The following CMTR1 variants were observed in gnomAD, a reference collection of about 807,000 sequenced individuals.
The protein encoded by CMTR1 is cap-specific mRNA (nucleoside-2'-O-)-methyltransferase 1.
CMTR1 carries 39 observed loss-of-function variants against 107.0 expected under a neutral mutation model. The observed-to-expected ratio is 0.36, with a 90% CI of 0.28 to 0.48. The LOEUF (loss-of-function observed/expected upper bound fraction) is 0.48, where lower values mean the gene tolerates loss of function less well. CMTR1 is among the 20% of genes least tolerant of loss of function. CMTR1 has a pLI of 0.99. For missense variants in CMTR1, 672 were observed against 1,064.9 expected (o/e 0.63, Z 5.14); for synonymous variants, 366 against 379.5 (o/e 0.96, Z 0.41).
rs1761340366 is a variant in CMTR1, at chr6:37,458,467, A to G, written c.778-145A>G. 1.4e-6 allele frequency: 1 copy of G among 707,222 alleles called. No individual in the cohort carries two copies. The highest frequency in any genetic ancestry group is 2.3e-6 in the Non-Finnish European group (1 of 430,244). 43.8% of individuals were successfully genotyped at this position (707,222 alleles called of 1,614,324 possible). A position where few individuals can be genotyped will look rare whatever the true frequency, so the allele number is the denominator to read the frequency against. On this transcript the variant is annotated intron_variant, in intron 8 of 23. Coordinates refer to ENST00000373451, the MANE Select transcript of CMTR1 (RefSeq NM_015050.3). This position sits in a 1 kb window ranked among gnomAD's most constrained non-coding sequence, Gnocchi z 4.7. ...TAAAGGGTGTTAATCACCAGAAGAT[A>G]CATTTCCTGGGTGCTGTAGCTCTGG...
At chr6:37,464,022 C>A (rs2113882907) in intron 13 of CMTR1, among the ~76,000 whole-genome samples, 1 of 152,244 alleles carries the variant, frequency 6.6e-6, no homozygotes, top group Admixed American at 6.5e-5. Flanking sequence ...TTCAGGGGTT[C>A]CAATAACACA....
chr6:37,468,508 T>A (rs2776910), intron 13 of CMTR1, among the ~76,000 whole-genome samples: 1 of 152,096 alleles, frequency 6.6e-6, no homozygotes, highest in Non-Finnish European at 1.5e-5. Context: ...GGAATCATTT[T>A]GCTTCACCCT....
chr6:37,433,049 A>T (rs142421875), upstream of CMTR1, among the ~76,000 whole-genome samples: 1 of 152,376 alleles, frequency 6.6e-6, no homozygotes, highest in Admixed American at 6.5e-5. Flanking sequence ...GGAGATAGTT[A>T]CTTTTGCTTT....
At chr6:37,476,313 C>T (rs1761735996) in intron 20 of CMTR1, 119 bp downstream of exon 20, 6 of 998,096 alleles carry the variant, frequency 6.0e-6, no homozygotes, top group Non-Finnish European at 9.2e-6. Context: ...AGAGACAAGA[C>T]CATTCTTGCC....
At chr6:37,478,260 A>G (rs1449005415) in intron 21 of CMTR1, 149 bp from the exon 22 acceptor site, 3 of 659,558 alleles carry the variant, frequency 4.5e-6, no homozygotes, top group Non-Finnish European at 8.3e-6. Flanking sequence ...TAAACTCAGC[A>G]TGGCCACCCA....
chr6:37,435,736 C>A lies in CMTR1; in HGVS notation c.107C>A (p.Pro36His). 3 of 1,596,856 alleles carry A rather than the reference C, an allele frequency of 1.9e-6. No individual in the cohort carries two copies. Among genetic ancestry groups the A allele is most frequent in the Non-Finnish European group, 2.6e-6 (3 of 1,173,966 alleles). Residue 36 changes from proline (P) to histidine (H), a missense_variant, in exon 2 of 24, where the codon CCC becomes CAC. Coordinates refer to ENST00000373451, the MANE Select transcript of CMTR1 (RefSeq NM_015050.3). ...AGCTCCACGTCCGATGATGAACCTC[C>A]CTCCTCTGTCAGTCATGGAGCAAAA... ...SLSSTSDDEP[P>H]SSVSHGAKAS...
At chr6:37,469,521 C>CTTTTTTTTTTTT (rs763917812) in intron 13 of CMTR1, among the ~76,000 whole-genome samples, 5 of 61,618 alleles carry the variant, frequency 8.1e-5, no homozygotes, top group Non-Finnish European at 1.4e-4. Flanking sequence ...TTGTTTTATC[C>CTTTTTTTTTTTT]TTTTTTTTTT....
chr6:37,470,355 C>A (rs1241386664), intron 13 of CMTR1, among the ~76,000 whole-genome samples: 1 of 151,916 alleles, frequency 6.6e-6, no homozygotes, highest in African/African-American at 2.4e-5. Flanking sequence ...ACCGTGTTAG[C>A]CAGGATGGTC....
intron 1 of CMTR1, among the ~76,000 whole-genome samples, chr6:37,434,349 A>C (rs1274377126): frequency 1.3e-5 from 2 of 152,006 alleles, no homozygotes; most frequent in African/African-American, 4.8e-5. Context: ...TTGGGTTTCA[A>C]TACTTTCTTG....
chr6:37,462,801 G>A lies in CMTR1; in HGVS notation c.1326-28G>A, dbSNP rs187000019. 3.8e-4 allele frequency: 610 copies of A among 1,607,668 alleles called. 3 individuals carry two copies. In the African/African-American group the frequency reaches 6.6e-3, roughly 17 times the overall value. ...ATGTATGGGGAGGAAGCCCTTGCTC[G>A]GTGGAGTGACAGAGTATCTTCTGCC... On this transcript the variant is annotated intron_variant, in intron 12 of 23. Coordinates refer to ENST00000373451, the MANE Select transcript of CMTR1 (RefSeq NM_015050.3).
intron 4 of CMTR1, among the ~76,000 whole-genome samples, chr6:37,449,452 A>T (rs1305600643): frequency 6.6e-6 from 1 of 151,968 alleles, no homozygotes; most frequent in Non-Finnish European, 1.5e-5. Flanking sequence ...GGGTTTACAG[A>T]TGTGCACTGC....
Position 37,469,521 on chromosome 6 carries a change from C to CTTTT in CMTR1, c.1506-1479_1506-1476dup, listed in dbSNP as rs763917812. On this transcript the variant is annotated intron_variant, in intron 13 of 23. Coordinates refer to ENST00000373451, the MANE Select transcript of CMTR1 (RefSeq NM_015050.3). ...TAGTTTGTCAATATGTTGTTTTATCCTTTTTTTTTTTTTTTTTTTTTTTTG... is the reference window on the plus strand; with the variant it reads ...TAGTTTGTCAATATGTTGTTTTATCCTTTTTTTTTTTTTTTTTTTTTTTTTTTTG... 3.7e-3 allele frequency among the ~76,000 whole-genome samples: 229 copies of CTTTT among 61,624 alleles called. 2 individuals carry two copies. The highest frequency in any genetic ancestry group is 4.3e-3 in the Non-Finnish European group (151 of 35,458). The allele number at this position is 61,624 out of a possible 152,430, so 40.4% of individuals were successfully genotyped here.
At chr6:37,477,685 GTGC>G in intron 21 of CMTR1, 46 bp downstream of exon 21, 1 of 1,310,816 alleles carries the variant, frequency 7.6e-7, no homozygotes. Flanking sequence ...GGAGGTGGGG[GTGC>G]GGCCGTGTCC....
In CMTR1 at chr6:37,479,892, C is replaced by A. The variant is rs560124693; in HGVS notation, c.2376-121C>A. 2.7e-3 allele frequency: 2,782 copies of A among 1,012,254 alleles called. 5 individuals are homozygous for A. The highest frequency in any genetic ancestry group is 3.6e-3 in the Non-Finnish European group (2,576 of 723,414). 62.7% of individuals were successfully genotyped at this position (1,012,254 alleles called of 1,614,324 possible). ...GGGCCTACCGGGTACCTTTTGCCTGCCGGGGGAAGAACCTCAACTAAAGTC... is the reference window on the plus strand; with the variant it reads ...GGGCCTACCGGGTACCTTTTGCCTGACGGGGGAAGAACCTCAACTAAAGTC... On this transcript the variant is annotated intron_variant, in intron 23 of 23. Coordinates refer to ENST00000373451, the MANE Select transcript of CMTR1 (RefSeq NM_015050.3).
rs553293980 is a variant in CMTR1 at position 37,464,935 on chromosome 6, CAAACAA to C, written c.1505+1928_1505+1933del. 2.2e-5 allele frequency among the ~76,000 whole-genome samples: 3 copies of C among 135,664 alleles called. No homozygotes were observed. In the South Asian group the frequency reaches 6.8e-4, roughly 31 times the overall value. 89.0% of individuals were successfully genotyped at this position (135,664 alleles called of 152,430 possible). On this transcript the variant is annotated intron_variant, in intron 13 of 23. Transcript: ENST00000373451. ...GTGTGTGTGTGTGTGTGTGTACAGA[CAAACAA>C]TAAAACAATGTATATGTATATAGTA...
chr6:37,460,689 C>T (rs1482933518), intron 10 of CMTR1, among the ~76,000 whole-genome samples: 1 of 152,120 alleles, frequency 6.6e-6, no homozygotes, highest in East Asian at 1.9e-4. Flanking sequence ...TAGAGGGCAG[C>T]GTCCTTTTTT....
intron 10 of CMTR1, 80 bp from the exon 11 acceptor site, chr6:37,461,469 C>G (rs562826062): frequency 2.7e-6 from 2 of 729,172 alleles, no homozygotes; most frequent in East Asian, 2.6e-5. Flanking sequence ...CAAGAACTCT[C>G]GATGAAGATG....
Position 37,469,056 on chromosome 6 carries a change from A to G in CMTR1, c.1506-1965A>G, listed in dbSNP as rs1040440010. 4.6e-5 allele frequency among the ~76,000 whole-genome samples: 7 copies of G among 152,000 alleles called. No homozygotes were observed. In the East Asian group the frequency reaches 1.4e-3, roughly 29 times the overall value. On this transcript the variant is annotated intron_variant, in intron 13 of 23. Transcript: ENST00000373451. ...CCCTTCTGGCCAAAGAATTGCTTGA[A>G]CCCAGGAGATGGAGGCTGCAGTGAG...
intron 16 of CMTR1, among the ~76,000 whole-genome samples, chr6:37,473,086 C>T (rs1373688475): frequency 1.3e-5 from 2 of 152,130 alleles, no homozygotes; most frequent in South Asian, 2.1e-4. Flanking sequence ...AGTATGTGTA[C>T]ATTTTTCTAA....
Sources: allele counts gnomAD v4.1 joint callset (sites outside exome capture counted in the v4.1 genomes callset), GRCh38; gene constraint gnomAD v4.1.1; non-coding constraint Gnocchi (gnomAD v3.1); transcripts MANE v1.5; gene names NCBI Gene and HGNC (gene_info 2026-07-23, HGNC 2026-07-21).